Variants in SHISA9 observed in about 807,000 individuals in gnomAD.
SHISA9 encodes protein shisa-9.
In SHISA9, 13 loss-of-function variants were observed where a neutral mutation model predicts 38.0. The ratio of observed to expected loss-of-function variants is 0.34; its 90% confidence interval spans 0.22 to 0.54. The LOEUF is 0.54. Among genes scored for constraint, SHISA9 ranks in the 20% least tolerant of loss-of-function variants. The pLI, the probability that SHISA9 is intolerant of heterozygous loss-of-function variation, is 0.91. For synonymous variants in SHISA9, 275 were observed against 242.0 expected (o/e 1.14, Z -1.27); for missense variants, 538 against 575.8 (o/e 0.93, Z 0.67).
At position 12,905,137 on chromosome 16, in the gene SHISA9, T is replaced by C. The variant is rs548454425; in HGVS notation, c.563+2510T>C. Among the ~76,000 whole-genome samples the C allele has an allele frequency of 1.8e-4, 27 of 152,326 alleles. 1 individual carries two copies. The highest frequency in any genetic ancestry group is 6.8e-3 in the Middle Eastern group (2 of 294). On this transcript the variant is annotated intron_variant, in intron 1 of 4. Coordinates refer to ENST00000558583, the MANE Select transcript of SHISA9 (RefSeq NM_001145204.3). Reference sequence around the variant, plus strand: ...GAGCCAGGCACTGTACTGGGGTGTGTGTGTGTGTGCAAGTAAACACTCTCT... The same window carrying C: ...GAGCCAGGCACTGTACTGGGGTGTGCGTGTGTGTGCAAGTAAACACTCTCT...
intron 2 of SHISA9, among the ~76,000 whole-genome samples, chr16:13,145,863 A>G (rs1185772502): frequency 6.6e-6 from 1 of 152,202 alleles, no homozygotes; most frequent in Non-Finnish European, 1.5e-5. Context: ...TTCTGTCTTC[A>G]TAGAACTGAC....
the SHISA9 span, among the ~76,000 whole-genome samples, chr16:13,367,712 G>GCGCGCACACACACA: frequency 2.3e-4 from 24 of 104,688 alleles, no homozygotes; most frequent in East Asian, 1.7e-3. Context: ...GCGCGCGCGC[G>GCGCGCACACACACA]CACACACACA....
At chr16:13,145,968 G>A (rs1035101372) in intron 2 of SHISA9, among the ~76,000 whole-genome samples, 1 of 152,210 alleles carries the variant, frequency 6.6e-6, no homozygotes, top group Admixed American at 6.5e-5. Flanking sequence ...CAGGCAGATT[G>A]CTTGAGGTCG....
chr16:12,934,150 G>A (rs2071497416), intron 2 of SHISA9, among the ~76,000 whole-genome samples: 1 of 152,144 alleles, frequency 6.6e-6, no homozygotes, highest in South Asian at 2.1e-4. Context: ...GGCAAGGGAG[G>A]GGATGAGATT....
At chr16:12,968,709 G>A (rs1214833228) in intron 2 of SHISA9, among the ~76,000 whole-genome samples, 1 of 152,170 alleles carries the variant, frequency 6.6e-6, no homozygotes, top group Non-Finnish European at 1.5e-5. Flanking sequence ...AAGGTCATCT[G>A]CAAACTTTCC....
chr16:13,244,749 G>T (rs1452953215), downstream of SHISA9, among the ~76,000 whole-genome samples: 1 of 152,158 alleles, frequency 6.6e-6, no homozygotes, highest in Non-Finnish European at 1.5e-5. Context: ...CTGTATATGT[G>T]CTTTTCAACT....
At chr16:13,360,006 C>T in the SHISA9 span, among the ~76,000 whole-genome samples, 15 of 152,140 alleles carry the variant, frequency 9.9e-5, no homozygotes, top group Admixed American at 3.3e-4. Flanking sequence ...TATGGAAAGC[C>T]GTCCACCTGA....
intron 2 of SHISA9, among the ~76,000 whole-genome samples, chr16:13,076,700 CT>C (rs1488764672): frequency 6.6e-6 from 1 of 152,202 alleles, no homozygotes; most frequent in East Asian, 1.9e-4. Context: ...GGTGAGCTTC[CT>C]GAAGCTTCAT....
the SHISA9 span, among the ~76,000 whole-genome samples, chr16:13,392,580 A>G: frequency 9.2e-5 from 14 of 152,306 alleles, no homozygotes; most frequent in Admixed American, 3.3e-4. Flanking sequence ...GAGGTCAAAC[A>G]GTCCCTCTGA....
chr16:12,909,596 A>G, intron 1 of SHISA9: 1 of 985,382 alleles, frequency 1.0e-6, no homozygotes, highest in Non-Finnish European at 1.2e-6. Context: ...GAGCTGTTGC[A>G]CTGGCCCTTG....
intron 2 of SHISA9, among the ~76,000 whole-genome samples, chr16:13,096,840 C>T (rs572080630): frequency 3.3e-5 from 5 of 152,240 alleles, no homozygotes; most frequent in East Asian, 3.9e-4. Context: ...GGAGCTCTCT[C>T]TTCCCTGAGA....
chr16:12,970,440 C>T (rs1181959026), intron 2 of SHISA9, among the ~76,000 whole-genome samples: 81 of 34,904 alleles, frequency 2.3e-3, no homozygotes, highest in Non-Finnish European at 3.1e-3. Flanking sequence ...TATATATATA[C>T]ACACATATAT....
chr16:12,907,152 T>TCCCG (rs1475806392), intron 1 of SHISA9, among the ~76,000 whole-genome samples: 1 of 47,126 alleles, frequency 2.1e-5, no homozygotes, highest in Admixed American at 2.5e-4. Context: ...CCTCCCTCCC[T>TCCCG]CCCTCCTTCC....
the SHISA9 span, among the ~76,000 whole-genome samples, chr16:13,247,866 A>G: frequency 0.04 from 6,112 of 152,320 alleles, 421 homozygotes; most frequent in African/African-American, 0.14. Flanking sequence ...AAAAATCTCA[A>G]CATCCAAATA....
At chr16:13,010,188 A>T (rs2072654188) in intron 2 of SHISA9, among the ~76,000 whole-genome samples, 1 of 152,216 alleles carries the variant, frequency 6.6e-6, no homozygotes, top group Admixed American at 6.5e-5. Flanking sequence ...AAAAGAAAAA[A>T]AGAGAAGCCA....
chr16:13,390,935 G>GT, the SHISA9 span, among the ~76,000 whole-genome samples: 1 of 152,126 alleles, frequency 6.6e-6, no homozygotes, highest in Admixed American at 6.5e-5. Context: ...CTTGATTTTC[G>GT]TAACACTTTG....
chr16:13,126,865 T>G (rs1596666532), intron 2 of SHISA9, among the ~76,000 whole-genome samples: 3 of 85,814 alleles, frequency 3.5e-5, no homozygotes, highest in South Asian at 3.8e-4. Context: ...AAGAGAGAGC[T>G]GAGGGAAGAA....
intron 3 of SHISA9, among the ~76,000 whole-genome samples, chr16:13,212,264 T>C (rs1194290945): frequency 6.6e-6 from 1 of 152,210 alleles, no homozygotes; most frequent in Non-Finnish European, 1.5e-5. Flanking sequence ...GACCACACGC[T>C]GATTGGCCAG....
chr16:13,426,944 AC>A, the SHISA9 span, among the ~76,000 whole-genome samples: 3 of 152,128 alleles, frequency 2.0e-5, no homozygotes, highest in Non-Finnish European at 4.4e-5. Flanking sequence ...GTAACAGGCA[AC>A]CCCCAAATCC....
Sources: gnomAD v4.1 joint callset for allele counts (sites outside exome capture counted in the v4.1 genomes callset) on GRCh38, gnomAD v4.1.1 for gene constraint, MANE v1.5 for transcripts, NCBI Gene and HGNC (gene_info 2026-07-23, HGNC 2026-07-21) for gene names.